CCSER1: variants seen among roughly 807,000 people sequenced by gnomAD.
CCSER1 encodes the protein coiled-coil serine rich protein 1.
In CCSER1, 41 loss-of-function variants were observed where a neutral mutation model predicts 82.0. The observed-to-expected ratio is 0.50, with a 90% CI of 0.39 to 0.65. The LOEUF (loss-of-function observed/expected upper bound fraction) is 0.65. CCSER1 is among the 30% of genes least tolerant of loss of function. The probability of loss-of-function intolerance (pLI) is 0.00; values close to 1 mark genes in which losing one functional copy is unlikely to be tolerated. For synonymous variants in CCSER1, 414 were observed against 383.9 expected, an observed-to-expected ratio of 1.08 and a Z score of -0.92; for missense variants, 1,119 against 1,064.2, an observed-to-expected ratio of 1.05 and a Z score of -0.72.
chr4:90,844,283 T>C (rs1762934651), intron 8 of CCSER1, among the ~76,000 whole-genome samples: 1 of 152,228 alleles, frequency 6.6e-6, no homozygotes, highest in South Asian at 2.1e-4. Context: ...ACTTCAGAGT[T>C]CTTAAATTAT....
intron 5 of CCSER1, among the ~76,000 whole-genome samples, chr4:90,593,953 C>A: frequency 6.6e-6 from 1 of 151,748 alleles, no homozygotes; most frequent in East Asian, 1.9e-4. Flanking sequence ...AAATATTGGT[C>A]AATTATATAA....
chr4:90,240,067 A>G (rs1746557123), intron 1 of CCSER1, among the ~76,000 whole-genome samples: 3 of 152,294 alleles, frequency 2.0e-5, no homozygotes, highest in South Asian at 4.1e-4. Flanking sequence ...TCTTAAAGAG[A>G]AGGTGTAATT....
At chr4:90,555,419 A>G (rs2153644386) in intron 5 of CCSER1, among the ~76,000 whole-genome samples, 2 of 152,260 alleles carry the variant, frequency 1.3e-5, no homozygotes, top group East Asian at 3.9e-4. Flanking sequence ...TCTAAATATA[A>G]TAAAAAGATC....
In CCSER1 at chr4:91,471,454, G is replaced by A. The variant is rs140409211; in HGVS notation, c.2218-127118G>A. On this transcript the variant is annotated intron_variant, in intron 10 of 10. Transcript: ENST00000509176. ...CATTCAGGTTCACCGTGACCCAGCC[G>A]CGCTGGATGGATCTGGATGTGCTAC... 2.6e-4 allele frequency among the ~76,000 whole-genome samples: 39 copies of A among 152,236 alleles called. 1 individual carries two copies. In the East Asian group the frequency reaches 7.4e-3, roughly 29 times the overall value.
At chr4:91,368,564 T>C (rs558683374) in intron 10 of CCSER1, among the ~76,000 whole-genome samples, 26 of 152,306 alleles carry the variant, frequency 1.7e-4, no homozygotes, top group Admixed American at 4.6e-4. Context: ...TGTTTTATGA[T>C]AAATATTTTA....
chr4:91,238,275 T>C (rs1023386114), intron 10 of CCSER1, among the ~76,000 whole-genome samples: 1 of 152,058 alleles, frequency 6.6e-6, no homozygotes, highest in Admixed American at 6.6e-5. Context: ...AGGAACCACA[T>C]AGTAAGTGCC....
At chr4:90,563,362 AG>A in intron 5 of CCSER1, among the ~76,000 whole-genome samples, 1 of 149,786 alleles carries the variant, frequency 6.7e-6, no homozygotes, top group African/African-American at 2.6e-5. Flanking sequence ...TGCCCGCCTC[AG>A]GCTCCCAAAG....
At chr4:91,502,925 A>G (rs971980549) in intron 10 of CCSER1, among the ~76,000 whole-genome samples, 1 of 152,174 alleles carries the variant, frequency 6.6e-6, no homozygotes, top group Admixed American at 6.5e-5. Context: ...ATCAAAATAT[A>G]TTTATAGCCT....
At chr4:90,232,805 TG>T in intron 1 of CCSER1, among the ~76,000 whole-genome samples, 1 of 150,684 alleles carries the variant, frequency 6.6e-6, no homozygotes, top group Non-Finnish European at 1.5e-5. Context: ...CATCAAAAAG[TG>T]GGTGAAGGAC....
At chr4:90,312,342 T>C (rs1735435433) in intron 2 of CCSER1, among the ~76,000 whole-genome samples, 1 of 152,138 alleles carries the variant, frequency 6.6e-6, no homozygotes, top group Non-Finnish European at 1.5e-5. Context: ...AGAGCAGTCA[T>C]ATGGGTCATA....
intron 1 of CCSER1, among the ~76,000 whole-genome samples, chr4:90,199,549 C>T (rs1158767697): frequency 6.6e-6 from 1 of 151,846 alleles, no homozygotes; most frequent in Non-Finnish European, 1.5e-5. Context: ...TAAAAATGTA[C>T]ATAAACCCAA....
chr4:90,753,832 A>G (rs182471290), intron 7 of CCSER1, among the ~76,000 whole-genome samples: 35 of 152,276 alleles, frequency 2.3e-4, no homozygotes, highest in African/African-American at 7.9e-4. Flanking sequence ...TCTCTGATTT[A>G]TCTTGCAAGT....
chr4:90,417,579 G>C (rs1164120640), intron 4 of CCSER1, among the ~76,000 whole-genome samples: 1 of 152,074 alleles, frequency 6.6e-6, no homozygotes, highest in East Asian at 1.9e-4. Flanking sequence ...TATTTATTTA[G>C]TATATTAGAT....
At chr4:90,801,896 G>T (rs1263848446) in intron 7 of CCSER1, among the ~76,000 whole-genome samples, 2 of 152,026 alleles carry the variant, frequency 1.3e-5, no homozygotes, top group Admixed American at 6.6e-5. Flanking sequence ...CTATTGTTTG[G>T]TAATATATTT....
chr4:90,759,404 A>G (rs1216699345), intron 7 of CCSER1, among the ~76,000 whole-genome samples: 1 of 152,214 alleles, frequency 6.6e-6, no homozygotes, highest in Non-Finnish European at 1.5e-5. Context: ...AAAGTGACTT[A>G]ATTTTATAAA....
chr4:91,550,680 C>G (rs531517706), intron 10 of CCSER1, among the ~76,000 whole-genome samples: 292 of 152,138 alleles, frequency 1.9e-3, no homozygotes, highest in Non-Finnish European at 3.8e-3. Context: ...CTATATCATA[C>G]CATATCTTAC....
At chr4:90,738,411 T>G (rs542388860) in intron 7 of CCSER1, among the ~76,000 whole-genome samples, 7 of 151,940 alleles carry the variant, frequency 4.6e-5, no homozygotes, top group Non-Finnish European at 8.8e-5. Context: ...TCAGGCGAAT[T>G]TTTTTTTGCT....
chr4:90,280,532 C>T (rs1447289723), intron 1 of CCSER1, among the ~76,000 whole-genome samples: 1 of 151,844 alleles, frequency 6.6e-6, no homozygotes, highest in Non-Finnish European at 1.5e-5. Flanking sequence ...ACAAATGGAT[C>T]CCCAATAAAT....
chr4:90,229,988 A>G (rs1251105255), intron 1 of CCSER1, among the ~76,000 whole-genome samples: 1 of 152,186 alleles, frequency 6.6e-6, no homozygotes, highest in Non-Finnish European at 1.5e-5. Context: ...TGAGCGACCT[A>G]CAAAGAGACT....
Sources: gnomAD v4.1 joint callset for allele counts (sites outside exome capture counted in the v4.1 genomes callset) on GRCh38, gnomAD v4.1.1 for gene constraint, MANE v1.5 for transcripts, NCBI Gene and HGNC (gene_info 2026-07-23, HGNC 2026-07-21) for gene names.